BICRA: variants seen among roughly 807,000 people sequenced by gnomAD.
BICRA encodes BRD4 interacting chromatin remodeling complex associated protein.
BICRA carries 31 observed loss-of-function variants against 96.9 expected under a neutral mutation model. That is an observed-to-expected ratio of 0.32 (90% CI 0.24 to 0.43). BICRA has a LOEUF of 0.43. Among genes scored for constraint, BICRA ranks in the 20% least tolerant of loss-of-function variants. The probability of loss-of-function intolerance (pLI) is 1.00; values close to 1 mark genes in which losing one functional copy is unlikely to be tolerated. For missense variants in BICRA, 2,283 were observed against 2,190.3 expected (o/e 1.04, Z -0.84); for synonymous variants, 1,350 against 1,071.8 (o/e 1.26, Z -5.07).
chr19:47,650,163 GCT>G (rs747284846), intron 1 of BICRA, among the ~76,000 whole-genome samples: 8 of 151,912 alleles, frequency 5.3e-5, no homozygotes, highest in Non-Finnish European at 8.8e-5. Context: ...GTGGAGTCTT[GCT>G]CTGTCACCTA....
At chr19:47,665,615 G>A (rs1320175306) in intron 1 of BICRA, among the ~76,000 whole-genome samples, 1 of 152,134 alleles carries the variant, frequency 6.6e-6, no homozygotes, top group African/African-American at 2.4e-5. Flanking sequence ...GATTACCGGT[G>A]TGCAACACCA....
chr19:47,692,121 T>G (rs536989331), intron 7 of BICRA, among the ~76,000 whole-genome samples: 1 of 152,254 alleles, frequency 6.6e-6, no homozygotes, highest in South Asian at 2.1e-4. Context: ...GCCAGTTCTC[T>G]TTTCTCCGAC....
Position 47,702,112 on chromosome 19 carries a change from G to A in BICRA, c.4380G>A (p.Gly1460=). The A allele has an allele frequency of 6.6e-7, 1 of 1,525,574 alleles. No individual in the cohort carries two copies. Among genetic ancestry groups the A allele is most frequent in the Non-Finnish European group, 8.7e-7 (1 of 1,143,798 alleles). The allele number at this position is 1,525,574 out of a possible 1,614,324, so 94.5% of individuals were successfully genotyped here. ...CAGCCAGCGCCGCCCAAGGCACCGG[G>A]GACCCCGACTGGGAGGCGCCCGGGC... The part of the protein sequence containing the change: ...EPAASAAQGT[G]DPDWEAPGLP... Residue 1460 remains glycine (G), a synonymous_variant, in exon 15 of 15, where the codon GGG becomes GGA. Transcript: ENST00000594866.
chr19:47,695,404 C>T lies in BICRA; in HGVS notation c.3116C>T (p.Ala1039Val), dbSNP rs1364421731. The change falls in exon 10 of 15, where the codon GCC (alanine) becomes GTC (valine). Residue 1039 changes from alanine (A) to valine (V), a missense_variant. By Grantham distance (64) the Ala-to-Val change is moderately conservative. Transcript: ENST00000594866. ...PLLPAENKAF[A>V]SNLPTLNVAK... ...CTTCCAGCCGAGAACAAGGCTTTTG[C>T]CAGCAACCTCCCGACCCTGAATGTG... is the stretch of plus-strand genomic sequence containing the variant. 6.9e-6 allele frequency: 10 copies of T among 1,450,538 alleles called. No individual in the cohort carries two copies. The highest frequency in any genetic ancestry group is 8.3e-6 in the Non-Finnish European group (9 of 1,085,634). The allele number at this position is 1,450,538 out of a possible 1,614,324, so 89.9% of individuals were successfully genotyped here.
In BICRA at chr19:47,696,448, C is replaced by T; in HGVS notation, c.3187-3C>T. 2 of 1,594,742 alleles carry T rather than the reference C, an allele frequency of 1.3e-6. No homozygotes were observed. The highest frequency in any genetic ancestry group is 1.7e-6 in the Non-Finnish European group (2 of 1,170,796). On this transcript the variant is annotated splice_region_variant and splice_polypyrimidine_tract_variant and intron_variant, in intron 10 of 14. Coordinates refer to ENST00000594866, the MANE Select transcript of BICRA (RefSeq NM_001394372.1). Reference sequence around the variant, plus strand: ...GGCCTCTCACTCGCCTTTCTTCTCCCAGTATGAGAGCAAACTGAGTGGCCT... The same window carrying T: ...GGCCTCTCACTCGCCTTTCTTCTCCTAGTATGAGAGCAAACTGAGTGGCCT...
chr19:47,695,025 T>G lies in BICRA; in HGVS notation c.3021T>G (p.Ser1007=). ...ASVLVSGQAP[S]GTPTAPSHAP... is the part of the protein sequence containing the mutation. Reference sequence around the variant, plus strand: ...TGCTGGTCAGTGGGCAGGCCCCATCTGGGACCCCCACTGCCCCCAGCCACG... The same window carrying G: ...TGCTGGTCAGTGGGCAGGCCCCATCGGGGACCCCCACTGCCCCCAGCCACG... The change falls in exon 9 of 15, where the codon TCT becomes TCG. Residue 1007 remains serine (S), a synonymous_variant. Coordinates refer to ENST00000594866, the MANE Select transcript of BICRA (RefSeq NM_001394372.1). 6.6e-7 allele frequency: 1 copy of G among 1,508,300 alleles called. No individual in the cohort carries two copies. Among genetic ancestry groups the G allele is most frequent in the Non-Finnish European group, 8.8e-7 (1 of 1,139,532 alleles). The allele number at this position is 1,508,300 out of a possible 1,614,324, so 93.4% of individuals were successfully genotyped here. A position where few individuals can be genotyped will look rare whatever the true frequency, so the allele number is the denominator to read the frequency against.
At chr19:47,678,584 C>T (rs1464564196) in intron 5 of BICRA, among the ~76,000 whole-genome samples, 2 of 152,040 alleles carry the variant, frequency 1.3e-5, no homozygotes, top group Non-Finnish European at 2.9e-5. Flanking sequence ...GAGGGTGCCC[C>T]GCTGGGTCTT....
At position 47,673,406 on chromosome 19, in the gene BICRA, G is replaced by A. The variant is rs73943855; in HGVS notation, c.-5-164G>A. On this transcript the variant is annotated intron_variant, in intron 2 of 14. Transcript: ENST00000594866. ...TCCCTGGTCAGGGGTTTCTGGCTGG[G>A]AGGGCACCTGGGAGGTATTCCTTGT... Among the ~76,000 whole-genome samples, 830 of 152,162 alleles carry A rather than the reference G, an allele frequency of 5.5e-3. 6 individuals are homozygous for A. The highest frequency in any genetic ancestry group is 0.018 in the African/African-American group (766 of 41,506).
rs542926415 is a variant in BICRA, at chr19:47,632,305, G to A, written c.-108+23137G>A. Among the ~76,000 whole-genome samples the A allele has an allele frequency of 6.2e-3, 937 of 152,356 alleles. 7 individuals carry two copies. The highest frequency in any genetic ancestry group is 0.022 in the African/African-American group (897 of 41,590). On this transcript the variant is annotated intron_variant, in intron 1 of 14. Coordinates refer to ENST00000594866, the MANE Select transcript of BICRA (RefSeq NM_001394372.1). Reference sequence around the variant, plus strand: ...TCACTGCTGGCAAACAGCAGCCGGAGCTTTTGAGTGGCTGTTCCATGCCAG... The same window carrying A: ...TCACTGCTGGCAAACAGCAGCCGGAACTTTTGAGTGGCTGTTCCATGCCAG...
At chr19:47,700,835 C>T (rs756329014) in intron 14 of BICRA, 8 of 157,154 alleles carry the variant, frequency 5.1e-5, no homozygotes, top group Non-Finnish European at 8.3e-5. Flanking sequence ...CATGTCATTT[C>T]GGACCAGATT....
chr19:47,682,066 C>A lies in BICRA; in HGVS notation c.2197C>A (p.Pro733Thr). ...IVSAPPPAQD[P>T]APATPVAKGA... ...CAGCGCCCCGCCTCCCGCCCAAGAC[C>A]CAGCCCCAGCCACCCCCGTCGCCAA... Residue 733 changes from proline (P) to threonine (T), a missense_variant, in exon 7 of 15, where the codon CCA (proline) becomes ACA (threonine). Coordinates refer to ENST00000594866, the MANE Select transcript of BICRA (RefSeq NM_001394372.1). 6.5e-7 allele frequency: 1 copy of A among 1,527,682 alleles called. No homozygotes were observed. The highest frequency in any genetic ancestry group is 8.9e-7 in the Non-Finnish European group (1 of 1,126,936). 94.6% of individuals were successfully genotyped at this position (1,527,682 alleles called of 1,614,324 possible).
Position 47,680,387 on chromosome 19 carries a change from G to T in BICRA, c.1217G>T (p.Gly406Val). The T allele has an allele frequency of 6.5e-7, 1 of 1,532,246 alleles. No individual in the cohort carries two copies. The highest frequency in any genetic ancestry group is 8.7e-7 in the Non-Finnish European group (1 of 1,144,292). 94.9% of individuals were successfully genotyped at this position (1,532,246 alleles called of 1,614,324 possible). The change falls in exon 6 of 15, where the codon GGC (glycine) becomes GTC (valine). Residue 406 changes from glycine to valine, a missense_variant. Physicochemically the swap from Gly to Val is moderately radical, Grantham distance 109 (BLOSUM62 -3). Coordinates refer to ENST00000594866, the MANE Select transcript of BICRA (RefSeq NM_001394372.1). ...NLTFMAAGKA[G>V]QNVVLSGFPA... ...ACGTTCATGGCGGCGGGGAAGGCGGGCCAGAACGTGGTGCTGTCGGGCTTC... is the reference window on the plus strand; with the variant it reads ...ACGTTCATGGCGGCGGGGAAGGCGGTCCAGAACGTGGTGCTGTCGGGCTTC...
intron 1 of BICRA, among the ~76,000 whole-genome samples, chr19:47,622,723 CAA>C (rs756030830): frequency 2.5e-4 from 8 of 31,860 alleles, no homozygotes; most frequent in African/African-American, 5.2e-4. Context: ...GACTCTGTCT[CAA>C]AAAAAAAAAA....
intron 1 of BICRA, among the ~76,000 whole-genome samples, chr19:47,614,374 T>C (rs1028578076): frequency 6.6e-5 from 10 of 152,154 alleles, no homozygotes; most frequent in Non-Finnish European, 8.8e-5. Flanking sequence ...CCCAGCACTT[T>C]GGGAGGCTGA....
chr19:47,695,843 G>A (rs1257557861), intron 10 of BICRA, among the ~76,000 whole-genome samples: 1 of 152,112 alleles, frequency 6.6e-6, no homozygotes, highest in East Asian at 1.9e-4. Flanking sequence ...GAGACAGACC[G>A]GAGACGGAGC....
chr19:47,690,330 T>C (rs781717865), intron 7 of BICRA, among the ~76,000 whole-genome samples: 41 of 152,202 alleles, frequency 2.7e-4, no homozygotes, highest in Non-Finnish European at 4.7e-4. Flanking sequence ...TTCCCACATA[T>C]GCAGGTCTGT....
At chr19:47,643,487 C>T (rs1972412767) in intron 1 of BICRA, among the ~76,000 whole-genome samples, 1 of 152,184 alleles carries the variant, frequency 6.6e-6, no homozygotes. Context: ...GGCATCCAGC[C>T]ATGACCATCC....
At chr19:47,690,694 T>A (rs1369185507) in intron 7 of BICRA, among the ~76,000 whole-genome samples, 1 of 152,128 alleles carries the variant, frequency 6.6e-6, no homozygotes, top group Non-Finnish European at 1.5e-5. Flanking sequence ...TCTTAGTGAT[T>A]TCTAGAGTCT....
intron 1 of BICRA, among the ~76,000 whole-genome samples, chr19:47,654,374 G>A (rs1306046233): frequency 6.6e-6 from 1 of 151,628 alleles, no homozygotes; most frequent in Non-Finnish European, 1.5e-5. Flanking sequence ...AACTGTAGTT[G>A]ATTTAACCTG....
Sources: gnomAD v4.1 joint callset for allele counts (sites outside exome capture counted in the v4.1 genomes callset) on GRCh38, gnomAD v4.1.1 for gene constraint, MANE v1.5 for transcripts, NCBI Gene and HGNC (gene_info 2026-07-23, HGNC 2026-07-21) for gene names.